Variants in TUSC3 observed in about 807,000 individuals in gnomAD.
TUSC3 encodes the protein dolichyl-diphosphooligosaccharide--protein glycosyltransferase subunit TUSC3.
A neutral mutation model predicts 44.8 loss-of-function variants in TUSC3; 45 were observed. The observed-to-expected ratio is 1.00, with a 90% CI of 0.79 to 1.29. The LOEUF is 1.29. Among genes scored for constraint, TUSC3 ranks in the 50% most tolerant of loss-of-function variants. TUSC3 has a pLI of 0.00. For synonymous variants in TUSC3, 212 were observed against 152.9 expected (o/e 1.39, Z -2.85); for missense variants, 519 against 437.9 (o/e 1.19, Z -1.65).
intron 1 of TUSC3, among the ~76,000 whole-genome samples, chr8:15,463,008 C>G (rs564736815): frequency 1.1e-4 from 17 of 152,042 alleles, no homozygotes; most frequent in Admixed American, 1.0e-3. Context: ...GTTCTCTTCT[C>G]TTTATTTTCT....
intron 2 of TUSC3, among the ~76,000 whole-genome samples, chr8:15,528,014 A>G (rs1801398527): frequency 6.6e-6 from 1 of 152,204 alleles, no homozygotes; most frequent in Admixed American, 6.5e-5. Context: ...GCACAGATAA[A>G]TATTCTTTGA....
At chr8:15,678,399 T>G (rs1170096872) in intron 6 of TUSC3, among the ~76,000 whole-genome samples, 1 of 152,180 alleles carries the variant, frequency 6.6e-6, no homozygotes, top group East Asian at 1.9e-4. Context: ...AGTTTATTTT[T>G]TTTTAGTAGA....
intron 1 of TUSC3, among the ~76,000 whole-genome samples, chr8:15,588,206 C>G (rs1467456403): frequency 6.6e-6 from 1 of 152,076 alleles, no homozygotes; most frequent in Non-Finnish European, 1.5e-5. Flanking sequence ...TCTGTTTTCT[C>G]CACATCCTCA....
Position 15,528,968 on chromosome 8 carries a change from G to A in TUSC3, n.189+45485G>A, listed in dbSNP as rs112028041. Among the ~76,000 whole-genome samples the A allele has an allele frequency of 9.3e-3, 1,415 of 152,112 alleles. 28 individuals carry two copies. Among genetic ancestry groups the A allele is most frequent in the African/African-American group, 0.032 (1,311 of 41,496 alleles). ...ACTCTTTCATTACTCCTTTGTCACCGCAGTTAATAACCAATGAACAGTTCT... is the reference window on the plus strand; with the variant it reads ...ACTCTTTCATTACTCCTTTGTCACCACAGTTAATAACCAATGAACAGTTCT... On this transcript the variant is annotated intron_variant and non_coding_transcript_variant, in intron 2 of 5. Transcript: ENST00000503191.
intron 1 of TUSC3, among the ~76,000 whole-genome samples, chr8:15,562,269 G>T (rs1802504613): frequency 6.6e-6 from 1 of 152,046 alleles, no homozygotes; most frequent in Non-Finnish European, 1.5e-5. Context: ...TTCGTGGATG[G>T]TATATAAGAT....
chr8:15,419,390 A>G (rs574523525), intron 1 of TUSC3, among the ~76,000 whole-genome samples: 5 of 152,316 alleles, frequency 3.3e-5, no homozygotes, highest in East Asian at 1.9e-4. Context: ...AGTATATCTT[A>G]TTGCTGAAGT....
chr8:15,423,915 G>A (rs560906301), intron 1 of TUSC3, among the ~76,000 whole-genome samples: 29 of 139,704 alleles, frequency 2.1e-4, no homozygotes, highest in South Asian at 1.2e-3. Flanking sequence ...TGACCAGGAT[G>A]TTTCCAGGAA....
At chr8:15,674,752 A>G (rs1175841828) in intron 6 of TUSC3, among the ~76,000 whole-genome samples, 1 of 152,062 alleles carries the variant, frequency 6.6e-6, no homozygotes, top group African/African-American at 2.4e-5. Flanking sequence ...TGGTTGCCAT[A>G]ATAAGTTAGA....
At chr8:15,525,570 G>C (rs962898352) in intron 2 of TUSC3, among the ~76,000 whole-genome samples, 1 of 152,192 alleles carries the variant, frequency 6.6e-6, no homozygotes, top group African/African-American at 2.4e-5. Context: ...TAATTTTCAA[G>C]AGTGTAAAGT....
chr8:15,530,322 C>G (rs1043680484), intron 2 of TUSC3, among the ~76,000 whole-genome samples: 7 of 151,972 alleles, frequency 4.6e-5, no homozygotes, highest in Non-Finnish European at 1.0e-4. Context: ...CTGTGTTTAC[C>G]CTAGTGTCTG....
chr8:15,585,220 G>A (rs923952786), intron 1 of TUSC3, among the ~76,000 whole-genome samples: 4 of 152,224 alleles, frequency 2.6e-5, no homozygotes, highest in Middle Eastern at 3.4e-3. Flanking sequence ...TATATAGGGG[G>A]ACAGAGTTCA....
intron 2 of TUSC3, among the ~76,000 whole-genome samples, chr8:15,496,847 A>G (rs957832763): frequency 1.3e-5 from 2 of 152,308 alleles, no homozygotes; most frequent in Non-Finnish European, 1.5e-5. Flanking sequence ...TTCCATTGGC[A>G]TACCATAACA....
At chr8:15,561,879 CACCCACTCTCCT>C (rs2129140255) in intron 1 of TUSC3, among the ~76,000 whole-genome samples, 1 of 152,286 alleles carries the variant, frequency 6.6e-6, no homozygotes, top group South Asian at 2.1e-4. Flanking sequence ...ACGGTGTGCG[CACCCACTCTCCT>C]GCACCCACTG....
intron 2 of TUSC3, among the ~76,000 whole-genome samples, chr8:15,514,662 G>A (rs746913217): frequency 6.6e-6 from 1 of 152,146 alleles, no homozygotes; most frequent in Non-Finnish European, 1.5e-5. Context: ...ATTTGTTAAT[G>A]AAACTATCTT....
chr8:15,746,021 C>G (rs191247968), intron 8 of TUSC3, among the ~76,000 whole-genome samples: 6 of 152,156 alleles, frequency 3.9e-5, no homozygotes, highest in Non-Finnish European at 8.8e-5. Context: ...ATAGAGAGTC[C>G]TCTCCCCATT....
At chr8:15,461,100 T>G (rs1379714170) in intron 1 of TUSC3, among the ~76,000 whole-genome samples, 2 of 152,186 alleles carry the variant, frequency 1.3e-5, no homozygotes, top group Admixed American at 6.5e-5. Flanking sequence ...TTGCATTGAA[T>G]GTGTAGATTG....
In TUSC3 at chr8:15,634,882, A is replaced by G. The variant is rs146836582; in HGVS notation, c.308+11633A>G. 1.1e-3 allele frequency among the ~76,000 whole-genome samples: 165 copies of G among 152,298 alleles called. 2 individuals carry two copies. In the East Asian group the frequency reaches 0.025, roughly 23 times the overall value. The stretch of plus-strand genomic sequence containing the variant: ...GTATGAGAGATATAAGGGCATTTCA[A>G]TGAAATTTATAGAGACTGATTACAT... On this transcript the variant is annotated intron_variant, in intron 2 of 10. Transcript: ENST00000503731.
At chr8:15,515,547 G>T (rs952970851) in intron 2 of TUSC3, among the ~76,000 whole-genome samples, 25 of 152,126 alleles carry the variant, frequency 1.6e-4, no homozygotes, top group African/African-American at 6.0e-4. Flanking sequence ...TTAGAAACCA[G>T]ATTTGAAGAC....
chr8:15,538,463 A>G (rs987454396), upstream of TUSC3, among the ~76,000 whole-genome samples: 1 of 152,238 alleles, frequency 6.6e-6, no homozygotes, highest in African/African-American at 2.4e-5. Context: ...AACTCCTTTA[A>G]CAAAGGCATC....
Sources: allele counts gnomAD v4.1 joint callset (sites outside exome capture counted in the v4.1 genomes callset), GRCh38; gene constraint gnomAD v4.1.1; transcripts MANE v1.5; gene names NCBI Gene and HGNC (gene_info 2026-07-23, HGNC 2026-07-21).